The following NRXN3 variants were observed in gnomAD, a reference collection of about 807,000 sequenced individuals.
The protein encoded by NRXN3 is neurexin 3, also known as neurexin III.
NRXN3 carries 32 observed loss-of-function variants against 137.6 expected under a neutral mutation model. The ratio of observed to expected loss-of-function variants is 0.23; its 90% CI spans 0.18 to 0.31. NRXN3 has a LOEUF of 0.31. Among genes scored for constraint, NRXN3 ranks in the 10% least tolerant of loss-of-function variants. The pLI is 1.00. For missense variants in NRXN3, 1,574 were observed against 2,062.5 expected (o/e 0.76, Z 4.59); for synonymous variants, 798 against 784.5 (o/e 1.02, Z -0.29).
intron 14 of NRXN3, among the ~76,000 whole-genome samples, chr14:78,979,176 A>G (rs1388503059): frequency 6.6e-6 from 1 of 152,124 alleles, no homozygotes; most frequent in Non-Finnish European, 1.5e-5. Flanking sequence ...AAATACCCTC[A>G]AAGACATACC....
At chr14:78,887,794 A>G (rs1004701315) in intron 10 of NRXN3, among the ~76,000 whole-genome samples, 27 of 152,116 alleles carry the variant, frequency 1.8e-4, no homozygotes, top group African/African-American at 6.3e-4. Flanking sequence ...ATTCAGGCTC[A>G]TTGGAGAAGG....
chr14:79,234,781 GA>G (rs1306871580), intron 15 of NRXN3, among the ~76,000 whole-genome samples: 1 of 151,822 alleles, frequency 6.6e-6, no homozygotes, highest in Admixed American at 6.6e-5. Flanking sequence ...TTTTATTTAA[GA>G]CTTCCCAAAT....
chr14:78,472,904 G>C (rs1008825415), intron 4 of NRXN3, among the ~76,000 whole-genome samples: 1 of 142,550 alleles, frequency 7.0e-6, no homozygotes, highest in Admixed American at 7.5e-5. Context: ...AGCCAGCAAA[G>C]AGAGAAAATG....
intron 16 of NRXN3, among the ~76,000 whole-genome samples, chr14:79,571,185 A>G (rs1027686882): frequency 6.6e-6 from 1 of 152,176 alleles, no homozygotes; most frequent in Admixed American, 6.5e-5. Context: ...CAGAGACTTT[A>G]GGTACGCTGT....
At chr14:78,312,289 A>C (rs1474347632) in intron 4 of NRXN3, among the ~76,000 whole-genome samples, 1 of 152,178 alleles carries the variant, frequency 6.6e-6, no homozygotes, top group South Asian at 2.1e-4. Context: ...GTATTTTATG[A>C]TGCTTTGTAC....
chr14:79,376,811 G>A (rs12879869), intron 15 of NRXN3, among the ~76,000 whole-genome samples: 41,429 of 152,098 alleles, frequency 0.27, 6,253 homozygotes, highest in Admixed American at 0.37. Flanking sequence ...TTTCTGAAGT[G>A]TTTCCTTCTA....
In NRXN3 at chr14:78,242,482, GC is replaced by G; in HGVS notation, c.-609del. 6.5e-6 allele frequency: 1 copy of G among 153,416 alleles called. No homozygotes were observed. Among genetic ancestry groups the G allele is most frequent in the Middle Eastern group, 3.4e-3 (1 of 294 alleles). 9.5% of individuals were successfully genotyped at this position (153,416 alleles called of 1,614,324 possible). On this transcript the variant is annotated 5_prime_UTR_variant, in exon 2 of 21. It introduces an in-frame stop codon into an upstream open reading frame of the 5' UTR. Transcript: ENST00000335750. The stretch of plus-strand genomic sequence containing the variant: ...TGAGTCTGCTTGCGCTCTGCCCAGG[GC>G]CCTGCTCTGTCTGAGCATTGGGCTT...
chr14:79,564,317 A>G (rs2097528760), intron 16 of NRXN3, among the ~76,000 whole-genome samples: 2 of 152,094 alleles, frequency 1.3e-5, no homozygotes, highest in African/African-American at 4.8e-5. Context: ...CGCAGACACC[A>G]TCCCTCAAAT....
chr14:79,630,229 G>A (rs2056332122), intron 16 of NRXN3, among the ~76,000 whole-genome samples: 1 of 152,160 alleles, frequency 6.6e-6, no homozygotes, highest in Admixed American at 6.5e-5. Flanking sequence ...TGCTAAAAGG[G>A]CAGGTGCTAC....
At chr14:78,189,646 G>A (rs1475648776) in intron 1 of NRXN3, among the ~76,000 whole-genome samples, 1 of 152,070 alleles carries the variant, frequency 6.6e-6, no homozygotes, top group African/African-American at 2.4e-5. Flanking sequence ...GAGTGCAGTG[G>A]TGCAATCTCG....
intron 16 of NRXN3, among the ~76,000 whole-genome samples, chr14:79,586,401 T>C (rs2097765546): frequency 6.6e-6 from 1 of 152,248 alleles, no homozygotes; most frequent in Admixed American, 6.5e-5. Context: ...GTTTTTGTTT[T>C]CTTTATTTTC....
At chr14:79,504,855 T>A (rs1016346619) in intron 16 of NRXN3, among the ~76,000 whole-genome samples, 1 of 151,936 alleles carries the variant, frequency 6.6e-6, no homozygotes, top group African/African-American at 2.4e-5. Flanking sequence ...AAAATTATTA[T>A]CATTTTGATT....
At chr14:79,216,690 G>A (rs916681077) in intron 15 of NRXN3, among the ~76,000 whole-genome samples, 1 of 152,060 alleles carries the variant, frequency 6.6e-6, no homozygotes, top group Non-Finnish European at 1.5e-5. Flanking sequence ...TCTAAAGAAC[G>A]CTCTAAGATG....
chr14:79,229,475 T>C (rs2071715766), intron 15 of NRXN3, among the ~76,000 whole-genome samples: 1 of 152,192 alleles, frequency 6.6e-6, no homozygotes, highest in African/African-American at 2.4e-5. Context: ...CTGAAGTCTC[T>C]GATAATTATC....
rs146132730 is a variant in NRXN3 at position 78,817,576 on chromosome 14, C to T, written c.2275+7232C>T. Among the ~76,000 whole-genome samples, 655 of 152,142 alleles carry T rather than the reference C, an allele frequency of 4.3e-3. 9 individuals carry two copies. Among genetic ancestry groups the T allele is most frequent in the African/African-American group, 0.015 (631 of 41,502 alleles). On this transcript the variant is annotated intron_variant, in intron 10 of 20. Transcript: ENST00000335750. ...TTCTGGTGGCTGAAAGTTTCAAGAGCGGGCAGTTGCATTTGGCGAGGGCTT... is the reference window on the plus strand; with the variant it reads ...TTCTGGTGGCTGAAAGTTTCAAGAGTGGGCAGTTGCATTTGGCGAGGGCTT...
chr14:78,186,361 TGAGGTGCA>T (rs1242436335), intron 1 of NRXN3, among the ~76,000 whole-genome samples: 2 of 152,258 alleles, frequency 1.3e-5, no homozygotes, highest in Non-Finnish European at 2.9e-5. Flanking sequence ...AGGCAGAGCC[TGAGGTGCA>T]GGAACCTGAG....
At chr14:78,424,899 TAGAG>T (rs1409928285) in intron 4 of NRXN3, among the ~76,000 whole-genome samples, 1 of 152,194 alleles carries the variant, frequency 6.6e-6, no homozygotes, top group African/African-American at 2.4e-5. Context: ...AATCTAGATT[TAGAG>T]AGAGGCAGTC....
chr14:79,128,030 T>C (rs1250397526), intron 15 of NRXN3, among the ~76,000 whole-genome samples: 4 of 151,086 alleles, frequency 2.6e-5, no homozygotes, highest in Non-Finnish European at 4.4e-5. Context: ...TGATTTTGTA[T>C]CCTGAGACTT....
At chr14:79,684,087 T>A (rs903580299) in intron 17 of NRXN3, among the ~76,000 whole-genome samples, 3 of 152,212 alleles carry the variant, frequency 2.0e-5, no homozygotes, top group African/African-American at 7.2e-5. Flanking sequence ...AAAATATGCT[T>A]ATTAAATTTG....
Sources: gnomAD v4.1 joint callset for allele counts (sites outside exome capture counted in the v4.1 genomes callset) on GRCh38, gnomAD v4.1.1 for gene constraint, MANE v1.5 for transcripts, NCBI Gene and HGNC (gene_info 2026-07-23, HGNC 2026-07-21) for gene names.